Variants in TDRD5 observed in about 807,000 individuals in gnomAD.
The protein encoded by TDRD5 is tudor domain-containing protein 5.
Under a neutral mutation model 120.6 loss-of-function variants are expected in TDRD5, and 41 were observed. The ratio of observed to expected loss-of-function variants is 0.34; its 90% CI spans 0.26 to 0.44. The LOEUF (loss-of-function observed/expected upper bound fraction) is 0.44. TDRD5 is among the 20% of genes least tolerant of loss of function. The probability of loss-of-function intolerance (pLI) is 1.00; values close to 1 mark genes in which losing one functional copy is unlikely to be tolerated. For synonymous variants in TDRD5, 430 were observed against 433.7 expected, an observed-to-expected ratio of 0.99 and a Z score of 0.11; for missense variants, 1,006 against 1,221.2, an observed-to-expected ratio of 0.82 and a Z score of 2.63.
At chr1:179,620,037 T>C (rs1676764027) in intron 5 of TDRD5, among the ~76,000 whole-genome samples, 1 of 152,234 alleles carries the variant, frequency 6.6e-6, no homozygotes, top group East Asian at 1.9e-4. Context: ...TATATGTCTC[T>C]CTCAGTTTAC....
chr1:179,630,865 G>A lies in TDRD5; in HGVS notation c.1071G>A (p.Arg357=), dbSNP rs1436071969. 2 of 1,613,948 alleles carry A rather than the reference G, an allele frequency of 1.2e-6. No homozygotes were observed. The highest frequency in any genetic ancestry group is 1.7e-6 in the Non-Finnish European group (2 of 1,179,988). Residue 357 remains arginine (R), a synonymous_variant, in exon 7 of 18, where the codon AGG becomes AGA. Coordinates refer to ENST00000444136, the MANE Select transcript of TDRD5 (RefSeq NM_001199085.3). ...GTGACATTCTCCATGTTGAGTTCAG[G>A]AAAGGACACCAAGACTTACTAGTGT... ...ALSDILHVEF[R]KGHQDLLVFD...
intron 11 of TDRD5, among the ~76,000 whole-genome samples, chr1:179,645,469 C>T (rs1054313259): frequency 2.6e-5 from 4 of 152,144 alleles, no homozygotes; most frequent in South Asian, 2.1e-4. Flanking sequence ...AGATAGTATC[C>T]GTCAGCCCTT....
intron 15 of TDRD5, among the ~76,000 whole-genome samples, chr1:179,663,060 A>G (rs942214810): frequency 4.6e-5 from 7 of 152,134 alleles, no homozygotes; most frequent in African/African-American, 1.7e-4. Flanking sequence ...TGTTTGTGCT[A>G]TTTAAGTACT....
intron 7 of TDRD5, among the ~76,000 whole-genome samples, chr1:179,633,202 G>A (rs1677558233): frequency 6.6e-6 from 1 of 152,010 alleles, no homozygotes; most frequent in African/African-American, 2.4e-5. Flanking sequence ...TAATAATAAT[G>A]TACTTAACCA....
At chr1:179,662,731 T>G (rs1342445390) in intron 15 of TDRD5, among the ~76,000 whole-genome samples, 1 of 152,222 alleles carries the variant, frequency 6.6e-6, no homozygotes, top group Non-Finnish European at 1.5e-5. Context: ...ATACATGATT[T>G]TAAAAAATGG....
intron 7 of TDRD5, 39 bp from the exon 8 acceptor site, chr1:179,634,418 G>C (rs1677644081): frequency 6.4e-7 from 1 of 1,570,216 alleles, no homozygotes; most frequent in Non-Finnish European, 8.6e-7. Flanking sequence ...TTGGCCATTT[G>C]AGATGGAGTT....
Position 179,690,969 on chromosome 1 carries a change from CAG to C in TDRD5, c.*28_*29del. On this transcript the variant is annotated 3_prime_UTR_variant, in exon 18 of 18. Transcript: ENST00000444136. Reference sequence around the variant, plus strand: ...GGGAGGGAGGGAGGAGGGAGAAAAACAGAATCCAGCCGCTTAGGCTTTGATGA... The same window carrying C: ...GGGAGGGAGGGAGGAGGGAGAAAAACAATCCAGCCGCTTAGGCTTTGATGA... 1 of 1,594,732 alleles carries C rather than the reference CAG, an allele frequency of 6.3e-7. No homozygotes were observed. The highest frequency in any genetic ancestry group is 8.5e-7 in the Non-Finnish European group (1 of 1,169,814).
At chr1:179,608,735 G>GTT (rs11374180) in intron 4 of TDRD5, among the ~76,000 whole-genome samples, 1 of 146,850 alleles carries the variant, frequency 6.8e-6, no homozygotes, top group East Asian at 2.0e-4. Flanking sequence ...TGCCATTTCT[G>GTT]TTTTTTTTTT....
intron 14 of TDRD5, among the ~76,000 whole-genome samples, chr1:179,661,525 A>C (rs1679315118): frequency 6.6e-6 from 1 of 152,128 alleles, no homozygotes; most frequent in Admixed American, 6.5e-5. Context: ...TCATTATAAA[A>C]ACTTTCATTT....
At chr1:179,639,793 A>AT (rs1296381367) in intron 9 of TDRD5, 46 bp from the exon 10 acceptor site, 5 of 1,572,514 alleles carry the variant, frequency 3.2e-6, no homozygotes, top group African/African-American at 1.4e-5. Context: ...ATTATCTTTA[A>AT]TTTTTTCTTC....
Position 179,675,624 on chromosome 1 carries a change from A to G in TDRD5, c.2860+6220A>G, listed in dbSNP as rs537435022. Among the ~76,000 whole-genome samples, 24 of 152,234 alleles carry G rather than the reference A, an allele frequency of 1.6e-4. 1 individual carries two copies. In the South Asian group the frequency reaches 4.1e-3, roughly 26 times the overall value. ...CCATCTAGATTTCATTGTTGACCCA[A>G]TGATCATTCAGGAGCAGGTTATTTA... On this transcript the variant is annotated intron_variant, in intron 17 of 17. Transcript: ENST00000444136.
At chr1:179,600,487 C>T (rs764931212) in intron 4 of TDRD5, among the ~76,000 whole-genome samples, 4 of 152,156 alleles carry the variant, frequency 2.6e-5, no homozygotes, top group African/African-American at 4.8e-5. Flanking sequence ...GTCTGTGTTA[C>T]GTACATTCTA....
chr1:179,677,425 C>T (rs1214545332), intron 17 of TDRD5, among the ~76,000 whole-genome samples: 1 of 151,876 alleles, frequency 6.6e-6, no homozygotes. Context: ...GTTAAAGAAC[C>T]TTATTTTGTC....
At chr1:179,593,080 G>A (rs1675204142) in intron 2 of TDRD5, among the ~76,000 whole-genome samples, 1 of 152,250 alleles carries the variant, frequency 6.6e-6, no homozygotes, top group East Asian at 1.9e-4. Context: ...TTTTACATAT[G>A]ATTTCAGGTT....
At chr1:179,667,788 A>G (rs1338892403) in intron 16 of TDRD5, among the ~76,000 whole-genome samples, 2 of 152,188 alleles carry the variant, frequency 1.3e-5, no homozygotes, top group African/African-American at 4.8e-5. Flanking sequence ...TTTTGCAACC[A>G]AGAAAGGTTA....
chr1:179,592,412 C>A (rs1333267796), intron 1 of TDRD5, 190 bp from the exon 2 acceptor site: 5 of 548,490 alleles, frequency 9.1e-6, no homozygotes, highest in Admixed American at 6.2e-5. Flanking sequence ...GTAGCTTAAT[C>A]AACGCAGGTG....
chr1:179,592,771 C>T lies in TDRD5; in HGVS notation c.156C>T (p.Ser52=). ...HLPLRILGYR[S]TMELVLDMPD... is the part of the protein sequence containing the mutation. Reference sequence around the variant, plus strand: ...CACTCCGAATCCTTGGGTATCGGTCCACTATGGAGCTGGTATTGGACATGC... The same window carrying T: ...CACTCCGAATCCTTGGGTATCGGTCTACTATGGAGCTGGTATTGGACATGC... Residue 52 remains serine, a synonymous_variant, in exon 2 of 18, where the codon TCC becomes TCT. Coordinates refer to ENST00000444136, the MANE Select transcript of TDRD5 (RefSeq NM_001199085.3). 3.7e-6 allele frequency: 6 copies of T among 1,614,150 alleles called. No individual in the cohort carries two copies. Among genetic ancestry groups the T allele is most frequent in the Non-Finnish European group, 5.1e-6 (6 of 1,180,042 alleles).
chr1:179,670,168 G>T (rs1003949987), intron 17 of TDRD5, among the ~76,000 whole-genome samples: 2 of 152,112 alleles, frequency 1.3e-5, no homozygotes, highest in South Asian at 2.1e-4. Context: ...GAGGTGGGTG[G>T]ATCACGAGGT....
In TDRD5 at chr1:179,635,938, A is replaced by G. The variant is rs759850533; in HGVS notation, c.1520+51A>G. Reference sequence around the variant, plus strand: ...TTTTTCACATGTCTCTTAAATCAACAGTTCTCAAACATTTCGGTTTCAGGA... The same window carrying G: ...TTTTTCACATGTCTCTTAAATCAACGGTTCTCAAACATTTCGGTTTCAGGA... On this transcript the variant is annotated intron_variant, in intron 9 of 17. Coordinates refer to ENST00000444136, the MANE Select transcript of TDRD5 (RefSeq NM_001199085.3). 3 of 1,554,986 alleles carry G rather than the reference A, an allele frequency of 1.9e-6. No homozygotes were observed. In the South Asian group the frequency reaches 3.6e-5, roughly 19 times the overall value.
Sources: allele counts gnomAD v4.1 joint callset (sites outside exome capture counted in the v4.1 genomes callset), GRCh38; gene constraint gnomAD v4.1.1; transcripts MANE v1.5; gene names NCBI Gene and HGNC (gene_info 2026-07-23, HGNC 2026-07-21).